SLC35F1: variants seen among roughly 807,000 people sequenced by gnomAD.
The protein encoded by SLC35F1 is solute carrier family 35 member F1, also known as chromosome 6 open reading frame 169.
A neutral mutation model predicts 48.7 loss-of-function variants in SLC35F1; 14 were observed. That is an observed-to-expected ratio of 0.29 (90% CI 0.19 to 0.45). The LOEUF is 0.45. Among genes scored for constraint, SLC35F1 ranks in the 20% least tolerant of loss-of-function variants. SLC35F1 has a pLI of 1.00. For synonymous variants in SLC35F1, 190 were observed against 202.2 expected (o/e 0.94, Z 0.51); for missense variants, 404 against 500.0 (o/e 0.81, Z 1.83).
intron 7 of SLC35F1, among the ~76,000 whole-genome samples, chr6:118,299,171 C>T (rs543472562): frequency 7.4e-4 from 113 of 152,186 alleles, no homozygotes; most frequent in African/African-American, 2.6e-3. Context: ...AACAGTGAGA[C>T]CCTATCTCAA....
At chr6:118,119,995 G>A (rs1773531973) in intron 1 of SLC35F1, among the ~76,000 whole-genome samples, 1 of 152,072 alleles carries the variant, frequency 6.6e-6, no homozygotes, top group African/African-American at 2.4e-5. Context: ...GGTCATATAA[G>A]CCCCCAATTC....
At chr6:118,216,716 A>C (rs1401315354) in intron 2 of SLC35F1, among the ~76,000 whole-genome samples, 1 of 152,314 alleles carries the variant, frequency 6.6e-6, no homozygotes, top group African/African-American at 2.4e-5. Flanking sequence ...TCAAAATGCT[A>C]AACATAAAGT....
intron 1 of SLC35F1, among the ~76,000 whole-genome samples, chr6:118,086,580 G>T (rs1020061906): frequency 2.0e-5 from 3 of 152,174 alleles, no homozygotes; most frequent in African/African-American, 7.2e-5. Flanking sequence ...GGTTTTACTT[G>T]CAGCTACTGT....
At chr6:118,045,322 A>G (rs1004963999) in intron 1 of SLC35F1, among the ~76,000 whole-genome samples, 3 of 152,184 alleles carry the variant, frequency 2.0e-5, no homozygotes, top group Non-Finnish European at 4.4e-5. Context: ...AGCTATGAAC[A>G]TACTTGTCAG....
At chr6:118,203,763 C>T (rs1774899565) in intron 2 of SLC35F1, among the ~76,000 whole-genome samples, 1 of 152,208 alleles carries the variant, frequency 6.6e-6, no homozygotes, top group African/African-American at 2.4e-5. Context: ...GGCAACTATA[C>T]ATGCCATTTG....
intron 2 of SLC35F1, among the ~76,000 whole-genome samples, chr6:118,175,581 G>A (rs1311124579): frequency 6.6e-6 from 1 of 152,108 alleles, no homozygotes. Flanking sequence ...ACTATCTGAT[G>A]TTATGTAAGT....
chr6:118,132,864 G>A (rs913032655), intron 1 of SLC35F1, among the ~76,000 whole-genome samples: 2 of 152,102 alleles, frequency 1.3e-5, no homozygotes, highest in African/African-American at 2.4e-5. Context: ...CAGAAGGGGC[G>A]GGGTATATCT....
chr6:117,957,275 C>G (rs1353326548), intron 1 of SLC35F1, among the ~76,000 whole-genome samples: 1 of 152,062 alleles, frequency 6.6e-6, no homozygotes, highest in South Asian at 2.1e-4. Flanking sequence ...TCTAGAAATA[C>G]CTTTGTCATT....
rs548624112 is a variant in SLC35F1 at position 118,096,397 on chromosome 6, G to A, written c.174-58048G>A. Among the ~76,000 whole-genome samples, 23 of 152,242 alleles carry A rather than the reference G, an allele frequency of 1.5e-4. No individual in the cohort carries two copies. In the East Asian group the frequency reaches 3.5e-3, roughly 23 times the overall value. ...AAAGCCACTTGTGAAAAAAATTTTC[G>A]TAGACATACTGACCCTTTTAGCCAT... is the stretch of plus-strand genomic sequence containing the variant. On this transcript the variant is annotated intron_variant, in intron 1 of 7. Transcript: ENST00000360388.
In SLC35F1 at chr6:118,152,977, A is replaced by G. The variant is rs148177750; in HGVS notation, c.174-1468A>G. ...AGATTGAATTCAGAGGTCAGGAGCCAGTACCTGGAAATAGGTTAACCTCAG... is the reference window on the plus strand; with the variant it reads ...AGATTGAATTCAGAGGTCAGGAGCCGGTACCTGGAAATAGGTTAACCTCAG... On this transcript the variant is annotated intron_variant, in intron 1 of 7. Coordinates refer to ENST00000360388, the MANE Select transcript of SLC35F1 (RefSeq NM_001029858.4). Among the ~76,000 whole-genome samples the G allele has an allele frequency of 5.3e-5, 8 of 152,372 alleles. No individual in the cohort carries two copies. In the East Asian group the frequency reaches 1.5e-3, roughly 29 times the overall value.
intron 2 of SLC35F1, among the ~76,000 whole-genome samples, chr6:118,225,652 C>T (rs2114569320): frequency 6.6e-6 from 1 of 152,208 alleles, no homozygotes; most frequent in South Asian, 2.1e-4. Context: ...GGGGTCATAT[C>T]AAGTTAAAAA....
At position 118,275,579 on chromosome 6, in the gene SLC35F1, T is replaced by C. The variant is rs1052334351; in HGVS notation, c.758T>C (p.Ile253Thr). ...AGCCGAGTGGAATTCCTGGGAATGA[T>C]TGGTCTCTTTGGAGCATTTTTCAGT... ...TLSRVEFLGM[I>T]GLFGAFFSGI... Residue 253 changes from isoleucine (I) to threonine (T), a missense_variant, in exon 5 of 8, where the codon ATT (isoleucine) becomes ACT (threonine). Around this residue, in one of 2 missense-constraint regions of SLC35F1, gnomAD observed 306 missense variants for 419.1 expected, o/e 0.73. Transcript: ENST00000360388. 1.2e-6 allele frequency: 2 copies of C among 1,613,744 alleles called. No homozygotes were observed. Among genetic ancestry groups the C allele is most frequent in the African/African-American group, 2.7e-5 (2 of 74,900 alleles).
At chr6:118,112,086 CT>C (rs1404799306) in intron 1 of SLC35F1, among the ~76,000 whole-genome samples, 36 of 14,844 alleles carry the variant, frequency 2.4e-3, no homozygotes, top group South Asian at 0.024. Context: ...TTATTTCTTT[CT>C]TTTCTTTTCT....
chr6:118,277,362 A>G (rs1775930563), intron 5 of SLC35F1, 132 bp from the exon 6 acceptor site: 7 of 832,104 alleles, frequency 8.4e-6, no homozygotes, highest in South Asian at 5.0e-5. Context: ...GCATGACCCA[A>G]AATTCTTTCT....
In SLC35F1 at chr6:117,927,824, C is replaced by A. The variant is rs539929078; in HGVS notation, c.173+19925C>A. Among the ~76,000 whole-genome samples, 10 of 152,268 alleles carry A rather than the reference C, an allele frequency of 6.6e-5. No individual in the cohort carries two copies. The South Asian group carries it at 2.1e-3, about 32-fold the overall frequency. On this transcript the variant is annotated intron_variant, in intron 1 of 7. Transcript: ENST00000360388. ...GACACATGCTGTGTTGGGTTCCCTC[C>A]ATTTGTTGCCTACAAAGCAGCCTTG...
Position 118,045,052 on chromosome 6 carries a change from A to C in SLC35F1, c.174-109393A>C, listed in dbSNP as rs550862116. ...ACATATACTAGTAGGTATGATGAGA[A>C]GTTTTTAAAATACATTTAAAATTAT... On this transcript the variant is annotated intron_variant, in intron 1 of 7. Transcript: ENST00000360388. Among the ~76,000 whole-genome samples the C allele has an allele frequency of 2.6e-5, 4 of 152,368 alleles. No individual in the cohort carries two copies. In the East Asian group the frequency reaches 7.7e-4, roughly 29 times the overall value.
intron 1 of SLC35F1, among the ~76,000 whole-genome samples, chr6:118,065,672 G>C (rs1157433150): frequency 6.6e-6 from 1 of 152,110 alleles, no homozygotes; most frequent in East Asian, 1.9e-4. Context: ...TTTACATGAA[G>C]CTGGCTGAAA....
intron 1 of SLC35F1, among the ~76,000 whole-genome samples, chr6:118,151,139 C>T (rs1383943332): frequency 1.3e-5 from 2 of 152,172 alleles, no homozygotes; most frequent in Non-Finnish European, 2.9e-5. Context: ...CTCTCTTGCT[C>T]TTCCTCTTAG....
At chr6:118,115,327 A>G (rs571589295) in intron 1 of SLC35F1, among the ~76,000 whole-genome samples, 1 of 152,316 alleles carries the variant, frequency 6.6e-6, no homozygotes, top group East Asian at 1.9e-4. Context: ...CACAGAGCAC[A>G]TGTTGGTTGA....
Sources: allele counts gnomAD v4.1 joint callset (sites outside exome capture counted in the v4.1 genomes callset), GRCh38; gene constraint gnomAD v4.1.1; regional missense constraint gnomAD v4.1.1; transcripts MANE v1.5; gene names NCBI Gene and HGNC (gene_info 2026-07-23, HGNC 2026-07-21).